The following ARHGAP21 variants were observed in gnomAD, a reference collection of about 807,000 sequenced individuals.
ARHGAP21 encodes Rho GTPase activating protein 21.
In ARHGAP21, 38 loss-of-function variants were observed where a neutral mutation model predicts 164.6. The ratio of observed to expected loss-of-function variants is 0.23; its 90% CI spans 0.18 to 0.30. The LOEUF (loss-of-function observed/expected upper bound fraction) is 0.30. Among genes scored for constraint, ARHGAP21 ranks in the 10% least tolerant of loss-of-function variants. The probability of loss-of-function intolerance (pLI) is 1.00; values close to 1 mark genes in which losing one functional copy is unlikely to be tolerated. For synonymous variants in ARHGAP21, 766 were observed against 857.9 expected, an observed-to-expected ratio of 0.89 and a Z score of 1.87; for missense variants, 1,822 against 2,370.7, an observed-to-expected ratio of 0.77 and a Z score of 4.81.
intron 2 of ARHGAP21, among the ~76,000 whole-genome samples, chr10:24,699,550 C>T (rs1843462100): frequency 6.6e-6 from 1 of 152,148 alleles, no homozygotes; most frequent in African/African-American, 2.4e-5. Flanking sequence ...GTCTCCAACT[C>T]CTGACCTCAG....
chr10:24,671,473 G>A (rs932613075), intron 2 of ARHGAP21, among the ~76,000 whole-genome samples: 8 of 151,542 alleles, frequency 5.3e-5, no homozygotes, highest in East Asian at 1.9e-4. Context: ...GAACTGAATC[G>A]CCTGCCATGA....
At chr10:24,701,206 CCT>C (rs1358173528) in intron 2 of ARHGAP21, among the ~76,000 whole-genome samples, 1 of 152,042 alleles carries the variant, frequency 6.6e-6, no homozygotes, top group Non-Finnish European at 1.5e-5. Flanking sequence ...CTCTATGCAG[CCT>C]CTCTTTCCCT....
intron 24 of ARHGAP21, chr10:24,589,656 C>T (rs2076252028): frequency 4.6e-6 from 1 of 216,710 alleles, no homozygotes; most frequent in South Asian, 9.0e-5. Flanking sequence ...TAATGTACCA[C>T]ATCCTGTATC....
chr10:24,628,916 C>CATATATACATATAT lies in ARHGAP21; in HGVS notation c.495+1079_495+1080insATATATGTATATAT, dbSNP rs71397961. 1.7e-3 allele frequency: 168 copies of CATATATACATATAT among 99,604 alleles called. 7 individuals carry two copies. The East Asian group carries it at 0.04, about 24-fold the overall frequency. 6.2% of individuals were successfully genotyped at this position (99,604 alleles called of 1,614,324 possible). A position where few individuals can be genotyped will look rare whatever the true frequency, so the allele number is the denominator to read the frequency against. On this transcript the variant is annotated intron_variant, in intron 7 of 25. Coordinates refer to ENST00000396432, the MANE Select transcript of ARHGAP21 (RefSeq NM_020824.4). ...ATACATACATATATACACATATATACACATATATATACATACATATATATA... is the reference window on the plus strand; with the variant it reads ...ATACATACATATATACACATATATACATATATACATATATACATATATATACATACATATATATA...
chr10:24,680,375 C>T (rs1183999718), intron 2 of ARHGAP21, among the ~76,000 whole-genome samples: 1 of 152,072 alleles, frequency 6.6e-6, no homozygotes, highest in Non-Finnish European at 1.5e-5. Flanking sequence ...TATGACTTGG[C>T]CTCACAGCTC....
intron 4 of ARHGAP21, among the ~76,000 whole-genome samples, chr10:24,663,366 T>C (rs1839889548): frequency 6.6e-6 from 1 of 152,206 alleles, no homozygotes; most frequent in Admixed American, 6.5e-5. Flanking sequence ...TCACCGGATA[T>C]GCAGCCTTGA....
At chr10:24,718,025 A>G (rs932219047) in intron 2 of ARHGAP21, among the ~76,000 whole-genome samples, 13 of 152,186 alleles carry the variant, frequency 8.5e-5, no homozygotes, top group African/African-American at 2.7e-4. Context: ...GGAAGGGGAC[A>G]AGGCTAAGTT....
intron 21 of ARHGAP21, 82 bp from the exon 22 acceptor site, chr10:24,592,094 G>A: frequency 5.8e-6 from 7 of 1,206,326 alleles, no homozygotes; most frequent in South Asian, 2.7e-5. Flanking sequence ...GATTTTTGAT[G>A]AAAAAGAATA....
chr10:24,654,170 A>G (rs1230652374), intron 4 of ARHGAP21, among the ~76,000 whole-genome samples: 5 of 152,232 alleles, frequency 3.3e-5, no homozygotes, highest in Non-Finnish European at 7.3e-5. Context: ...AGCCAATATC[A>G]TACTGAATGG....
At chr10:24,655,544 G>A (rs1325572273) in intron 4 of ARHGAP21, among the ~76,000 whole-genome samples, 2 of 152,178 alleles carry the variant, frequency 1.3e-5, no homozygotes, top group African/African-American at 4.8e-5. Flanking sequence ...GGCTGGAGGA[G>A]CGGACGGGCC....
In ARHGAP21 at chr10:24,723,871, C is replaced by T. The variant is rs1846166637; in HGVS notation, c.-690G>A. Among the ~76,000 whole-genome samples the T allele has an allele frequency of 6.6e-6, 1 of 151,298 alleles. No homozygotes were observed. The highest frequency in any genetic ancestry group is 6.6e-5 in the Admixed American group (1 of 15,218). On this transcript the variant is annotated 5_prime_UTR_variant, in exon 1 of 26. Coordinates refer to ENST00000396432, the MANE Select transcript of ARHGAP21 (RefSeq NM_020824.4). The stretch of plus-strand genomic sequence containing the variant: ...GGGGCCCAGCTCCGGCGCCCGCGAA[C>T]GCCAAGTGACAGAAGCGCCTCGCTC...
At chr10:24,682,771 T>C (rs1841891029) in intron 2 of ARHGAP21, among the ~76,000 whole-genome samples, 1 of 152,070 alleles carries the variant, frequency 6.6e-6, no homozygotes, top group Non-Finnish European at 1.5e-5. Flanking sequence ...CTAGATGTTT[T>C]TTCCCAAAAA....
In ARHGAP21 at chr10:24,722,054, T is replaced by C; in HGVS notation, c.-155A>G. 1.3e-6 allele frequency: 1 copy of C among 753,426 alleles called. No individual in the cohort carries two copies. The highest frequency in any genetic ancestry group is 2.2e-6 in the Non-Finnish European group (1 of 445,672). The allele number at this position is 753,426 out of a possible 1,614,324, so 46.7% of individuals were successfully genotyped here. On this transcript the variant is annotated 5_prime_UTR_variant, in exon 2 of 26. Transcript: ENST00000396432. ...CAGACAACGTGCCAGGGAATAAAGGTTTTCAGGAAGCGCCTTCAAATGCCT... is the reference window on the plus strand; with the variant it reads ...CAGACAACGTGCCAGGGAATAAAGGCTTTCAGGAAGCGCCTTCAAATGCCT...
intron 5 of ARHGAP21, among the ~76,000 whole-genome samples, chr10:24,633,919 G>C (rs1207676079): frequency 1.8e-5 from 2 of 109,778 alleles, no homozygotes; most frequent in Non-Finnish European, 3.4e-5. Flanking sequence ...TTGAGACAGA[G>C]TCTCACTCTT....
chr10:24,591,817 G>A (rs1592932977), intron 22 of ARHGAP21, 70 bp downstream of exon 22: 5 of 1,590,842 alleles, frequency 3.1e-6, no homozygotes, highest in Admixed American at 1.8e-5. Context: ...ACCAAATAGC[G>A]GCTGCCCGTG....
chr10:24,694,755 A>G (rs1843008366), intron 2 of ARHGAP21, among the ~76,000 whole-genome samples: 1 of 152,092 alleles, frequency 6.6e-6, no homozygotes, highest in African/African-American at 2.4e-5. Flanking sequence ...AAGTCCTCCT[A>G]GAAAAGAAAT....
intron 4 of ARHGAP21, among the ~76,000 whole-genome samples, chr10:24,653,545 C>T (rs1461520934): frequency 1.3e-5 from 2 of 151,632 alleles, no homozygotes; most frequent in African/African-American, 2.4e-5. Context: ...TGTACTCCAG[C>T]CTGGGCGACA....
At chr10:24,652,921 C>A (rs982550339) in intron 4 of ARHGAP21, among the ~76,000 whole-genome samples, 1 of 152,106 alleles carries the variant, frequency 6.6e-6, no homozygotes. Context: ...TACATACCCT[C>A]TAGAAATGAG....
intron 4 of ARHGAP21, among the ~76,000 whole-genome samples, chr10:24,664,567 T>A (rs10828684): frequency 0.36 from 50,252 of 140,782 alleles, 10,531 homozygotes; most frequent in African/African-American, 0.6. Flanking sequence ...AAAAAAAAAA[T>A]AATAATAATA....
Sources: allele counts gnomAD v4.1 joint callset (sites outside exome capture counted in the v4.1 genomes callset), GRCh38; gene constraint gnomAD v4.1.1; transcripts MANE v1.5; gene names NCBI Gene and HGNC (gene_info 2026-07-23, HGNC 2026-07-21).